Variants in GRID2 observed in about 807,000 individuals in gnomAD.
The protein encoded by GRID2 is glutamate receptor ionotropic, delta-2.
A neutral mutation model predicts 114.8 loss-of-function variants in GRID2; 33 were observed. That is an observed-to-expected ratio of 0.29 (90% confidence interval 0.22 to 0.38). The LOEUF (loss-of-function observed/expected upper bound fraction) is 0.38. GRID2 is among the 10% of genes least tolerant of loss of function. The probability of loss-of-function intolerance (pLI) is 1.00; values close to 1 mark genes in which losing one functional copy is unlikely to be tolerated. For synonymous variants in GRID2, 505 were observed against 449.9 expected (o/e 1.12, Z -1.55); for missense variants, 1,184 against 1,257.7 (o/e 0.94, Z 0.89).
intron 2 of GRID2, among the ~76,000 whole-genome samples, chr4:92,882,609 C>T (rs1746107911): frequency 6.6e-6 from 1 of 151,492 alleles, no homozygotes; most frequent in African/African-American, 2.4e-5. Flanking sequence ...TATTTTAGAC[C>T]CTTCATCACA....
chr4:92,344,211 C>A (rs1211557818), intron 1 of GRID2, among the ~76,000 whole-genome samples: 1 of 152,148 alleles, frequency 6.6e-6, no homozygotes, highest in Non-Finnish European at 1.5e-5. Context: ...ACTACATTTT[C>A]TGTAGGCATG....
At chr4:93,733,340 G>T (rs184501270) in intron 14 of GRID2, among the ~76,000 whole-genome samples, 2 of 152,202 alleles carry the variant, frequency 1.3e-5, no homozygotes, top group Admixed American at 6.5e-5. Flanking sequence ...AGAAATTCCT[G>T]TCTGAGCTCT....
At chr4:92,351,388 A>G (rs1728063103) in intron 1 of GRID2, among the ~76,000 whole-genome samples, 1 of 151,822 alleles carries the variant, frequency 6.6e-6, no homozygotes, top group South Asian at 2.1e-4. Flanking sequence ...ACATGTAATA[A>G]TTGCACATAT....
intron 2 of GRID2, among the ~76,000 whole-genome samples, chr4:92,801,302 A>G (rs1187482787): frequency 1.3e-5 from 2 of 151,944 alleles, no homozygotes; most frequent in Non-Finnish European, 2.9e-5. Context: ...AGTTTAACAT[A>G]TGTTCACAAT....
At chr4:93,454,422 A>G (rs1722995907) in intron 10 of GRID2, among the ~76,000 whole-genome samples, 1 of 152,056 alleles carries the variant, frequency 6.6e-6, no homozygotes, top group Admixed American at 6.6e-5. Context: ...AGTTACTTAA[A>G]CTTCTAAGGT....
In GRID2 at chr4:93,037,579, C is replaced by T. The variant is rs574125015; in HGVS notation, c.245-47416C>T. On this transcript the variant is annotated intron_variant, in intron 2 of 15. Transcript: ENST00000282020. ...AGGGTTTTTAAGGTTTTAGGTCTTT[C>T]GTTTAAGTCTTTAATCTCTCTTGAG... 3.9e-5 allele frequency among the ~76,000 whole-genome samples: 6 copies of T among 152,180 alleles called. No homozygotes were observed. The South Asian group carries it at 6.2e-4, about 16-fold the overall frequency.
At chr4:93,798,425 G>A (rs755264423) in intron 1 of GRID2, among the ~76,000 whole-genome samples, 13 of 152,132 alleles carry the variant, frequency 8.5e-5, no homozygotes, top group East Asian at 1.9e-4. Context: ...CTTAGGGGCC[G>A]CCTAGACAAG....
At position 92,682,605 on chromosome 4, in the gene GRID2, A is replaced by G. The variant is rs555847215; in HGVS notation, c.244+92319A>G. On this transcript the variant is annotated intron_variant, in intron 2 of 15. Transcript: ENST00000282020. ...GTTATTGGTGAACGATTTCTTTCTG[A>G]GAAGAGACACCCAGGGGCAATCAGC... Among the ~76,000 whole-genome samples, 3 of 151,998 alleles carry G rather than the reference A, an allele frequency of 2.0e-5. No individual in the cohort carries two copies. In the East Asian group the frequency reaches 5.8e-4, roughly 29 times the overall value.
chr4:93,520,754 A>C (rs1037493117), intron 13 of GRID2, among the ~76,000 whole-genome samples: 8 of 152,324 alleles, frequency 5.3e-5, no homozygotes, highest in Admixed American at 3.9e-4. Context: ...CATTCCTCCA[A>C]GTGATTCTGA....
intron 13 of GRID2, among the ~76,000 whole-genome samples, chr4:93,582,591 G>A (rs1236747502): frequency 3.3e-5 from 5 of 152,122 alleles, no homozygotes; most frequent in African/African-American, 4.8e-5. Flanking sequence ...AGAATGAGAA[G>A]TAGCGATCAT....
intron 2 of GRID2, among the ~76,000 whole-genome samples, chr4:92,956,536 C>T (rs1362431872): frequency 6.6e-6 from 1 of 152,122 alleles, no homozygotes; most frequent in Non-Finnish European, 1.5e-5. Context: ...ATATTCCACT[C>T]TCTAGATGTG....
At chr4:93,527,078 G>T (rs1361066485) in intron 13 of GRID2, among the ~76,000 whole-genome samples, 1 of 152,032 alleles carries the variant, frequency 6.6e-6, no homozygotes, top group African/African-American at 2.4e-5. Context: ...CCTCAAAAGG[G>T]CCCTCCCTCT....
intron 8 of GRID2, among the ~76,000 whole-genome samples, chr4:93,343,142 C>CTGTGTGTGTGTGTGTG (rs150132437): frequency 2.5e-5 from 1 of 40,192 alleles, no homozygotes; most frequent in East Asian, 1.3e-3. Flanking sequence ...TGTGAGGTGA[C>CTGTGTGTGTGTGTGTG]TGTGTGTGTG....
At position 92,590,195 on chromosome 4, in the gene GRID2, T is replaced by C; in HGVS notation, c.153T>C (p.Leu51=). ...TATTTCGCACTGCGGTTGGTGACCT[T>C]AACCAGAATGAGGAGATCTTACAGA... The part of the protein sequence containing the change: ...DEVFRTAVGD[L]NQNEEILQTE... The change falls in exon 2 of 16, where the codon CTT becomes CTC. Residue 51 remains leucine (L), a synonymous_variant. Transcript: ENST00000282020. The C allele has an allele frequency of 1.9e-6, 3 of 1,611,552 alleles. No homozygotes were observed. Among genetic ancestry groups the C allele is most frequent in the South Asian group, 2.2e-5 (2 of 91,038 alleles).
intron 13 of GRID2, among the ~76,000 whole-genome samples, chr4:93,538,742 ATAC>A (rs1318338422): frequency 2.0e-5 from 3 of 151,858 alleles, no homozygotes; most frequent in Admixed American, 1.3e-4. Flanking sequence ...ATACTCCAAA[ATAC>A]TACACCAGTA....
chr4:92,352,750 A>C lies in GRID2; in HGVS notation c.88+48006A>C, dbSNP rs566468730. ...TATCTAAGTCTTTTGCCTATACTTT[A>C]ATTGGGTTGTTTAAATTTGTTGTTG... On this transcript the variant is annotated intron_variant, in intron 1 of 15. Transcript: ENST00000282020. 5.3e-5 allele frequency among the ~76,000 whole-genome samples: 8 copies of C among 151,826 alleles called. No individual in the cohort carries two copies. In the South Asian group the frequency reaches 8.3e-4, roughly 16 times the overall value.
chr4:92,493,465 C>T (rs1185751618), intron 1 of GRID2, among the ~76,000 whole-genome samples: 2 of 152,140 alleles, frequency 1.3e-5, no homozygotes, highest in African/African-American at 4.8e-5. Flanking sequence ...ACTTCATTCT[C>T]CACATGAATG....
chr4:92,591,372 T>G (rs1042932243), intron 2 of GRID2, among the ~76,000 whole-genome samples: 1 of 152,138 alleles, frequency 6.6e-6, no homozygotes, highest in African/African-American at 2.4e-5. Flanking sequence ...TAGCCTGAGG[T>G]ATTTTGATGT....
At chr4:92,472,019 C>T (rs1404837362) in intron 1 of GRID2, among the ~76,000 whole-genome samples, 1 of 64,856 alleles carries the variant, frequency 1.5e-5, no homozygotes, top group Non-Finnish European at 3.2e-5. Flanking sequence ...CTGCAAGCTC[C>T]GCCTCCCGGG....
Sources: gnomAD v4.1 joint callset for allele counts (sites outside exome capture counted in the v4.1 genomes callset) on GRCh38, gnomAD v4.1.1 for gene constraint, MANE v1.5 for transcripts, NCBI Gene and HGNC (gene_info 2026-07-23, HGNC 2026-07-21) for gene names.